SUCLG2: variants seen among roughly 807,000 people sequenced by gnomAD.
The protein encoded by SUCLG2 is succinate--CoA ligase [GDP-forming] subunit beta, mitochondrial.
In SUCLG2, 42 loss-of-function variants were observed where a neutral mutation model predicts 47.9. The ratio of observed to expected loss-of-function variants is 0.88; its 90% CI spans 0.69 to 1.14. The LOEUF (loss-of-function observed/expected upper bound fraction) is 1.14. SUCLG2 is among the 50% of genes most tolerant of loss of function. SUCLG2 has a pLI of 0.00. For synonymous variants in SUCLG2, 195 were observed against 197.3 expected, an observed-to-expected ratio of 0.99 and a Z score of 0.10; for missense variants, 571 against 525.9, an observed-to-expected ratio of 1.09 and a Z score of -0.84.
chr3:67,482,744 G>C (rs1704949860), intron 9 of SUCLG2, among the ~76,000 whole-genome samples: 1 of 152,142 alleles, frequency 6.6e-6, no homozygotes, highest in Non-Finnish European at 1.5e-5. Context: ...ACACACGGAA[G>C]ATTCTAAGTC....
chr3:67,623,081 A>G (rs1700762234), intron 1 of SUCLG2, among the ~76,000 whole-genome samples: 2 of 152,130 alleles, frequency 1.3e-5, no homozygotes, highest in South Asian at 2.1e-4. Context: ...TTAAATATAT[A>G]TATATATACC....
intron 1 of SUCLG2, 135 bp downstream of exon 1, chr3:67,654,367 CG>C (rs942944204): frequency 1.5e-6 from 1 of 646,480 alleles, no homozygotes; most frequent in African/African-American, 1.9e-5. Context: ...GACCCGGCGC[CG>C]CGTCACCTCC....
At chr3:67,461,414 T>C (rs942936820) in intron 9 of SUCLG2, among the ~76,000 whole-genome samples, 8 of 152,026 alleles carry the variant, frequency 5.3e-5, no homozygotes, top group African/African-American at 1.9e-4. Context: ...TCGAATTCCA[T>C]ATAACGGTAT....
chr3:67,470,938 T>C (rs561984343), intron 9 of SUCLG2, among the ~76,000 whole-genome samples: 1 of 152,278 alleles, frequency 6.6e-6, no homozygotes, highest in African/African-American at 2.4e-5. Context: ...GCACAGCTGT[T>C]ACAGACCTGA....
At chr3:67,529,238 T>C (rs763267210) in intron 2 of SUCLG2, 52 bp from the exon 3 acceptor site, 2 of 1,471,342 alleles carry the variant, frequency 1.4e-6, no homozygotes, top group Non-Finnish European at 1.9e-6. Context: ...CTTTTTTTGT[T>C]TTTTAAGCAA....
Position 67,375,217 on chromosome 3 carries a change from G to A in SUCLG2, c.*527C>T. ...AAACATATGTTAGAATTAGAAACCTGTAAAATCTGCAGTAGTGTGTAATAG... is the reference window on the plus strand; with the variant it reads ...AAACATATGTTAGAATTAGAAACCTATAAAATCTGCAGTAGTGTGTAATAG... On this transcript the variant is annotated 3_prime_UTR_variant, in exon 11 of 11. Coordinates refer to ENST00000307227, the MANE Select transcript of SUCLG2 (RefSeq NM_003848.4). 1.0e-6 allele frequency: 1 copy of A among 985,850 alleles called. No individual in the cohort carries two copies. Among genetic ancestry groups the A allele is most frequent in the South Asian group, 4.7e-5 (1 of 21,282 alleles). 61.1% of individuals were successfully genotyped at this position (985,850 alleles called of 1,614,324 possible).
At chr3:67,469,609 G>A (rs1704554899) in intron 9 of SUCLG2, among the ~76,000 whole-genome samples, 1 of 150,934 alleles carries the variant, frequency 6.6e-6, no homozygotes, top group South Asian at 2.1e-4. Flanking sequence ...TGTGCCTGTA[G>A]TCCCAGGTAC....
At chr3:67,480,614 T>C (rs889969770) in intron 9 of SUCLG2, among the ~76,000 whole-genome samples, 1 of 152,210 alleles carries the variant, frequency 6.6e-6, no homozygotes, top group Non-Finnish European at 1.5e-5. Context: ...TGTAGCCTCC[T>C]GGGCCACATT....
intron 6 of SUCLG2, among the ~76,000 whole-genome samples, chr3:67,511,811 C>T (rs924376455): frequency 6.9e-6 from 1 of 144,680 alleles, no homozygotes; most frequent in African/African-American, 2.9e-5. Context: ...ATTTTGGTCC[C>T]TTATTAATTT....
chr3:67,587,139 A>G (rs1430578767), intron 2 of SUCLG2, among the ~76,000 whole-genome samples: 1 of 152,238 alleles, frequency 6.6e-6, no homozygotes. Flanking sequence ...CTCATTTTAC[A>G]GAATGGGGAA....
At chr3:67,489,348 T>C (rs73088905) in intron 9 of SUCLG2, among the ~76,000 whole-genome samples, 5,160 of 152,236 alleles carry the variant, frequency 0.034, 114 homozygotes, top group African/African-American at 0.061. Context: ...GAGTGGTAGA[T>C]GGTTTTCCAT....
intron 4 of SUCLG2, among the ~76,000 whole-genome samples, chr3:67,523,838 A>G (rs562965552): frequency 1.8e-3 from 277 of 152,302 alleles, no homozygotes; most frequent in African/African-American, 5.9e-3. Flanking sequence ...GACTTTCAGT[A>G]GTTATTCTTA....
At chr3:67,519,039 A>C (rs576746307) in intron 5 of SUCLG2, among the ~76,000 whole-genome samples, 4 of 152,074 alleles carry the variant, frequency 2.6e-5, no homozygotes, top group African/African-American at 9.7e-5. Context: ...TACTTCATTC[A>C]AGGTCGTTTT....
At chr3:67,641,735 T>A (rs1459839320) in intron 1 of SUCLG2, among the ~76,000 whole-genome samples, 3 of 152,222 alleles carry the variant, frequency 2.0e-5, no homozygotes, top group Non-Finnish European at 4.4e-5. Context: ...GCATACAAAG[T>A]ACCACATACT....
At chr3:67,396,472 G>C (rs1702533002) in intron 10 of SUCLG2, among the ~76,000 whole-genome samples, 1 of 152,090 alleles carries the variant, frequency 6.6e-6, no homozygotes, top group African/African-American at 2.4e-5. Context: ...ACTAAACCAG[G>C]AAGAAGTTGA....
chr3:67,407,779 A>G (rs1702848919), intron 9 of SUCLG2, among the ~76,000 whole-genome samples: 1 of 152,136 alleles, frequency 6.6e-6, no homozygotes, highest in Non-Finnish European at 1.5e-5. Flanking sequence ...TTTTAAAAAA[A>G]TCACAGGTTA....
Position 67,569,469 on chromosome 3 carries a change from A to C in SUCLG2, c.226+39986T>G, listed in dbSNP as rs1490984332. Among the ~76,000 whole-genome samples, 3 of 152,230 alleles carry C rather than the reference A, an allele frequency of 2.0e-5. No homozygotes were observed. The East Asian group carries it at 5.8e-4, about 29-fold the overall frequency. ...GCCACCGGGGCATGGCTGCTGCCCAAGTGGACCCAGAAGGCTGGACTTTGG... is the reference window on the plus strand; with the variant it reads ...GCCACCGGGGCATGGCTGCTGCCCACGTGGACCCAGAAGGCTGGACTTTGG... On this transcript the variant is annotated intron_variant, in intron 2 of 10. Coordinates refer to ENST00000307227, the MANE Select transcript of SUCLG2 (RefSeq NM_003848.4).
At chr3:67,645,402 AGCCTTCT>A (rs1222084857) in intron 1 of SUCLG2, among the ~76,000 whole-genome samples, 2 of 152,184 alleles carry the variant, frequency 1.3e-5, no homozygotes, top group Non-Finnish European at 2.9e-5. Context: ...ACAAGTCACA[AGCCTTCT>A]GCCTCCATTT....
chr3:67,486,606 CATT>C (rs1252002581), intron 9 of SUCLG2, among the ~76,000 whole-genome samples: 1 of 152,142 alleles, frequency 6.6e-6, no homozygotes, highest in Non-Finnish European at 1.5e-5. Flanking sequence ...TGGCCAACAG[CATT>C]ATTAACTCAT....
Sources: gnomAD v4.1 joint callset for allele counts (sites outside exome capture counted in the v4.1 genomes callset) on GRCh38, gnomAD v4.1.1 for gene constraint, MANE v1.5 for transcripts, NCBI Gene and HGNC (gene_info 2026-07-23, HGNC 2026-07-21) for gene names.